Variants in PRMT2 observed in about 807,000 individuals in gnomAD.
PRMT2 encodes the protein protein arginine methyltransferase 2, also known as protein arginine N-methyltransferase 2.
A neutral mutation model predicts 57.6 loss-of-function variants in PRMT2; 26 were observed. The ratio of observed to expected loss-of-function variants is 0.45; its 90% CI spans 0.33 to 0.63. PRMT2 has a LOEUF of 0.63. PRMT2 is among the 20% of genes least tolerant of loss of function. The pLI, the probability that PRMT2 is intolerant of heterozygous loss-of-function variation, is 0.02. For missense variants in PRMT2, 472 were observed against 564.4 expected (o/e 0.84, Z 1.66); for synonymous variants, 219 against 220.0 (o/e 1.00, Z 0.04).
chr21:46,645,139 C>T (rs968278619), intron 5 of PRMT2, among the ~76,000 whole-genome samples: 12 of 144,102 alleles, frequency 8.3e-5, no homozygotes, highest in African/African-American at 1.8e-4. Context: ...TGGTGGTGCA[C>T]GCCTGTAGTC....
intron 3 of PRMT2, among the ~76,000 whole-genome samples, chr21:46,637,503 G>C (rs906823002): frequency 6.6e-6 from 1 of 151,982 alleles, no homozygotes; most frequent in African/African-American, 2.4e-5. Flanking sequence ...AAGCATTTCC[G>C]TATCTGTTAT....
At chr21:46,661,778 C>G (rs955704855) in intron 9 of PRMT2, 22 bp from the exon 10 acceptor site, 1 of 1,351,604 alleles carries the variant, frequency 7.4e-7, no homozygotes, top group Non-Finnish European at 9.6e-7. Context: ...CCCACGCGTG[C>G]CTTGTCATCT....
chr21:46,660,247 G>GT, intron 8 of PRMT2: 1 of 802,478 alleles, frequency 1.2e-6, no homozygotes, highest in Non-Finnish European at 1.5e-6. Flanking sequence ...GGCAAACGGT[G>GT]ACATGCAGGG....
intron 9 of PRMT2, chr21:46,661,235 G>T (rs2061615074): frequency 7.5e-6 from 2 of 267,568 alleles, no homozygotes; most frequent in East Asian, 7.2e-5. Context: ...AATATTCTCA[G>T]CATCTTCAAA....
chr21:46,644,268 C>T, intron 4 of PRMT2, 38 bp from the exon 5 acceptor site: 1 of 1,582,526 alleles, frequency 6.3e-7, no homozygotes, highest in South Asian at 1.2e-5. Flanking sequence ...ATACCAATGA[C>T]TGGTTTTCTT....
rs190203153 is a variant in PRMT2, at chr21:46,664,417, C to T, written c.*90C>T. On this transcript the variant is annotated 3_prime_UTR_variant, in exon 12 of 12. Coordinates refer to ENST00000355680, the MANE Select transcript of PRMT2 (RefSeq NM_206962.4). ...AGTTGCACCTGGCTTCTGCACACTC[C>T]TGCGAAAGTCGGTGAACATTCACTC... 119 of 1,512,806 alleles carry T rather than the reference C, an allele frequency of 7.9e-5. 1 individual carries two copies. In the Admixed American group the frequency reaches 2.0e-3, roughly 25 times the overall value. The allele number at this position is 1,512,806 out of a possible 1,614,324, so 93.7% of individuals were successfully genotyped here. A position where few individuals can be genotyped will look rare whatever the true frequency, so the allele number is the denominator to read the frequency against.
chr21:46,663,009 C>T (rs2061654095), intron 10 of PRMT2, among the ~76,000 whole-genome samples: 1 of 152,140 alleles, frequency 6.6e-6, no homozygotes, highest in African/African-American at 2.4e-5. Context: ...CACACGGGAC[C>T]TTTAGTGCAG....
chr21:46,646,735 GT>G (rs1322796634), intron 5 of PRMT2, among the ~76,000 whole-genome samples: 1 of 152,226 alleles, frequency 6.6e-6, no homozygotes, highest in Non-Finnish European at 1.5e-5. Context: ...TGTGTGTAGT[GT>G]GTACATGTGG....
At chr21:46,653,777 G>C in intron 7 of PRMT2, 2 of 1,111,716 alleles carry the variant, frequency 1.8e-6, no homozygotes, top group South Asian at 2.3e-5. Context: ...CTCATACAAA[G>C]TACAGAGACA....
Position 46,663,371 on chromosome 21 carries a change from CCT to C in PRMT2, c.1098-11_1098-10del, listed in dbSNP as rs752549714. 72 of 1,605,654 alleles carry C rather than the reference CCT, an allele frequency of 4.5e-5. No individual in the cohort carries two copies. The highest frequency in any genetic ancestry group is 4.0e-4 in the East Asian group (18 of 44,654). On this transcript the variant is annotated splice_polypyrimidine_tract_variant and intron_variant, in intron 10 of 11. Coordinates refer to ENST00000355680, the MANE Select transcript of PRMT2 (RefSeq NM_206962.4). ...GCTCAGCCTCCAGGTCACACGCACC[CCT>C]GTCTTGCAGCACCACACACTGGAAG...
At chr21:46,643,864 T>C (rs1427123411) in intron 4 of PRMT2, among the ~76,000 whole-genome samples, 1 of 152,222 alleles carries the variant, frequency 6.6e-6, no homozygotes, top group Non-Finnish European at 1.5e-5. Flanking sequence ...CAGAAGCACC[T>C]GTTCTGGTTT....
chr21:46,664,417 CTGCGAAAGTCGG>C lies in PRMT2; in HGVS notation c.*93_*104del, dbSNP rs751025395. 2 of 1,512,688 alleles carry C rather than the reference CTGCGAAAGTCGG, an allele frequency of 1.3e-6. No individual in the cohort carries two copies. The highest frequency in any genetic ancestry group is 3.3e-5 in the Admixed American group (2 of 59,722). The allele number at this position is 1,512,688 out of a possible 1,614,324, so 93.7% of individuals were successfully genotyped here. A position where few individuals can be genotyped will look rare whatever the true frequency, so the allele number is the denominator to read the frequency against. On this transcript the variant is annotated 3_prime_UTR_variant, in exon 12 of 12. Coordinates refer to ENST00000355680, the MANE Select transcript of PRMT2 (RefSeq NM_206962.4). ...AGTTGCACCTGGCTTCTGCACACTC[CTGCGAAAGTCGG>C]TGAACATTCACTCCACATTGACCCC...
chr21:46,637,857 A>T (rs2061203011), intron 3 of PRMT2, among the ~76,000 whole-genome samples: 1 of 152,146 alleles, frequency 6.6e-6, no homozygotes, highest in African/African-American at 2.4e-5. Flanking sequence ...AGGAGGCTGA[A>T]GCAGGAGAAT....
intron 7 of PRMT2, among the ~76,000 whole-genome samples, chr21:46,651,544 A>C (rs1169321143): frequency 6.6e-6 from 1 of 151,876 alleles, no homozygotes; most frequent in Non-Finnish European, 1.5e-5. Context: ...GGTTTTCTCC[A>C]GTGCAGGCAG....
rs550815268 is a variant in PRMT2, at chr21:46,653,313, C to T, written c.654+3574C>T. The T allele has an allele frequency of 2.3e-5, 23 of 985,396 alleles. No individual in the cohort carries two copies. In the South Asian group the frequency reaches 3.3e-4, roughly 14 times the overall value. 61.0% of individuals were successfully genotyped at this position (985,396 alleles called of 1,614,324 possible). A position where few individuals can be genotyped will look rare whatever the true frequency, so the allele number is the denominator to read the frequency against. On this transcript the variant is annotated intron_variant, in intron 7 of 11. Coordinates refer to ENST00000355680, the MANE Select transcript of PRMT2 (RefSeq NM_206962.4). ...ATAAGTCAGCTCATGAAAACAGGCA[C>T]GTGGCCAGTAAGAATTTAATTTCAT... is the stretch of plus-strand genomic sequence containing the variant.
At chr21:46,662,687 G>T (rs1203356281) in intron 10 of PRMT2, among the ~76,000 whole-genome samples, 1 of 152,164 alleles carries the variant, frequency 6.6e-6, no homozygotes, top group African/African-American at 2.4e-5. Context: ...AAAAACTGGA[G>T]ACCTGAGGAG....
intron 4 of PRMT2, 48 bp downstream of exon 4, chr21:46,643,687 T>G (rs993971300): frequency 5.2e-6 from 8 of 1,542,092 alleles, no homozygotes; most frequent in Non-Finnish European, 8.7e-7. Flanking sequence ...GCATGTTCAG[T>G]GTCAAAAGGA....
intron 7 of PRMT2, among the ~76,000 whole-genome samples, chr21:46,650,690 AG>A (rs2061436662): frequency 6.6e-6 from 1 of 152,204 alleles, no homozygotes; most frequent in Non-Finnish European, 1.5e-5. Flanking sequence ...GGGGACAAAA[AG>A]AGGACAGAGC....
At chr21:46,662,546 C>T (rs1056279471) in intron 10 of PRMT2, among the ~76,000 whole-genome samples, 40 of 152,166 alleles carry the variant, frequency 2.6e-4, no homozygotes, top group African/African-American at 9.4e-4. Flanking sequence ...CTGTGGTGGC[C>T]CCTCCAGTGC....
Sources: gnomAD v4.1 joint callset for allele counts (sites outside exome capture counted in the v4.1 genomes callset) on GRCh38, gnomAD v4.1.1 for gene constraint, MANE v1.5 for transcripts, NCBI Gene and HGNC (gene_info 2026-07-23, HGNC 2026-07-21) for gene names.